The following SMG6 variants were observed in gnomAD, a reference collection of about 807,000 sequenced individuals.
The protein encoded by SMG6 is SMG6 nonsense mediated mRNA decay factor.
A neutral mutation model predicts 142.2 loss-of-function variants in SMG6; 66 were observed. The ratio of observed to expected loss-of-function variants is 0.46; its 90% CI spans 0.38 to 0.57. SMG6 has a LOEUF of 0.57. Among genes scored for constraint, SMG6 ranks in the 20% least tolerant of loss-of-function variants. The probability of loss-of-function intolerance (pLI) is 0.00; values close to 1 mark genes in which losing one functional copy is unlikely to be tolerated. For synonymous variants in SMG6, 779 were observed against 702.4 expected (o/e 1.11, Z -1.72); for missense variants, 1,793 against 1,832.0 (o/e 0.98, Z 0.39).
At chr17:2,072,947 T>C (rs537369397) in intron 15 of SMG6, 1 of 152,370 alleles carries the variant, frequency 6.6e-6, no homozygotes, top group South Asian at 2.1e-4. Flanking sequence ...AATGCCAGCT[T>C]CCTTTCTTCC....
At chr17:2,170,380 A>C (rs1327530118) in intron 13 of SMG6, among the ~76,000 whole-genome samples, 1 of 152,218 alleles carries the variant, frequency 6.6e-6, no homozygotes, top group Non-Finnish European at 1.5e-5. Context: ...TCTTCTACTC[A>C]GCACCTGTCC....
chr17:2,129,647 A>G (rs1003218823), intron 13 of SMG6, among the ~76,000 whole-genome samples: 1 of 151,698 alleles, frequency 6.6e-6, no homozygotes, highest in Admixed American at 6.6e-5. Context: ...TAAAAAAATC[A>G]GCCTGGCGTG....
chr17:2,169,790 C>A (rs1362548402), intron 13 of SMG6, among the ~76,000 whole-genome samples: 1 of 152,074 alleles, frequency 6.6e-6, no homozygotes, highest in African/African-American at 2.4e-5. Flanking sequence ...GAGCAACCAT[C>A]AGAAGGTTTT....
chr17:2,218,652 T>G (rs2073088066), intron 10 of SMG6, among the ~76,000 whole-genome samples: 1 of 152,210 alleles, frequency 6.6e-6, no homozygotes, highest in Non-Finnish European at 1.5e-5. Flanking sequence ...AAGCTTGAGC[T>G]ACTCATCACC....
Position 2,071,262 on chromosome 17 carries a change from AT to A in SMG6, c.3682-2332del, listed in dbSNP as rs768639329. Among the ~76,000 whole-genome samples the A allele has an allele frequency of 2.8e-4, 41 of 145,316 alleles. No individual in the cohort carries two copies. The highest frequency in any genetic ancestry group is 2.7e-4 in the Admixed American group (4 of 14,620). ...TGACTCTATCAAGGAAGTGGCTGCC[AT>A]TTTTTTTTTTACCCTATGTGAACAG... On this transcript the variant is annotated intron_variant, in intron 15 of 18. Coordinates refer to ENST00000263073, the MANE Select transcript of SMG6 (RefSeq NM_017575.5). The surrounding 1 kb of genome is among the most constrained non-coding windows in gnomAD (Gnocchi z 5.6).
chr17:2,061,257 TC>T lies in SMG6; in HGVS notation c.*234del, dbSNP rs1236765218. 1 of 461,324 alleles carries T rather than the reference TC, an allele frequency of 2.2e-6. No homozygotes were observed. Among genetic ancestry groups the T allele is most frequent in the African/African-American group, 2.0e-5 (1 of 50,298 alleles). 28.6% of individuals were successfully genotyped at this position (461,324 alleles called of 1,614,324 possible). ...GCTGCTGTTGCTGTAGCCAGCCACC[TC>T]CCTGCTAAATCCTGGCAGCCCAGGA... is the stretch of plus-strand genomic sequence containing the variant. On this transcript the variant is annotated 3_prime_UTR_variant, in exon 19 of 19. Coordinates refer to ENST00000263073, the MANE Select transcript of SMG6 (RefSeq NM_017575.5).
At chr17:2,211,440 G>A (rs1427924423) in intron 10 of SMG6, among the ~76,000 whole-genome samples, 6 of 152,068 alleles carry the variant, frequency 3.9e-5, no homozygotes, top group South Asian at 2.1e-4. Context: ...CAAGGCAGGC[G>A]GATCATGAGG....
At chr17:2,109,677 G>A (rs1312168098) in intron 13 of SMG6, among the ~76,000 whole-genome samples, 2 of 152,110 alleles carry the variant, frequency 1.3e-5, no homozygotes, top group African/African-American at 4.8e-5. Flanking sequence ...ATATAGACAC[G>A]CAAACCATTA....
chr17:2,258,054 C>CGT (rs2074231197), intron 8 of SMG6, among the ~76,000 whole-genome samples: 1 of 98,044 alleles, frequency 1.0e-5, no homozygotes, highest in African/African-American at 3.4e-5. Flanking sequence ...CACACACACA[C>CGT]ACACACACAC....
At position 2,065,591 on chromosome 17, in the gene SMG6, G is replaced by A. The variant is rs936378378; in HGVS notation, c.3924C>T (p.Arg1308=). The A allele has an allele frequency of 3.7e-6, 6 of 1,614,004 alleles. No homozygotes were observed. In the African/African-American group the frequency reaches 8.0e-5, roughly 22 times the overall value. The change falls in exon 17 of 19, where the codon CGC becomes CGT. Residue 1308 remains arginine, a synonymous_variant. Coordinates refer to ENST00000263073, the MANE Select transcript of SMG6 (RefSeq NM_017575.5). ...GCTGCTCGAGGAACTCGATGGACTT[G>A]CGGGCCTTCTCTTGTACCACACGGG... is the stretch of plus-strand genomic sequence containing the variant. ...GYARVVQEKA[R]KSIEFLEQRF... is the part of the protein sequence containing the mutation.
chr17:2,213,683 T>G (rs2072929845), intron 10 of SMG6: 1 of 152,216 alleles, frequency 6.6e-6, no homozygotes. Context: ...TTTCCTTTTT[T>G]CCAATGCCAG....
chr17:2,231,708 A>T (rs12452089), intron 10 of SMG6, among the ~76,000 whole-genome samples: 44,379 of 93,934 alleles, frequency 0.47, 6,217 homozygotes, highest in Admixed American at 0.52. Context: ...CCCTCCCCCC[A>T]CCCAAAAAAA....
intron 13 of SMG6, among the ~76,000 whole-genome samples, chr17:2,158,268 C>G (rs1391124707): frequency 6.6e-6 from 1 of 152,082 alleles, no homozygotes; most frequent in Non-Finnish European, 1.5e-5. Flanking sequence ...CATATGCAAA[C>G]CACGTTTTCC....
intron 12 of SMG6, among the ~76,000 whole-genome samples, chr17:2,185,728 G>A (rs899898609): frequency 6.6e-6 from 1 of 151,162 alleles, no homozygotes; most frequent in Admixed American, 6.6e-5. Flanking sequence ...GTGAGAAGAC[G>A]GAAACGAGGG....
At chr17:2,292,844 G>C in intron 5 of SMG6, 27 bp downstream of exon 5, 3 of 1,591,740 alleles carry the variant, frequency 1.9e-6, no homozygotes, top group Non-Finnish European at 2.6e-6. Flanking sequence ...ATAGGGAAGA[G>C]AAATAACGAA....
Position 2,184,433 on chromosome 17 carries a change from A to G in SMG6, c.3155+2230T>C, listed in dbSNP as rs181333638. ...AGCACTTTGGGAGGCTGAGGTGGGT[A>G]GATCACCTGAGGTCAGGAGTTTGAG... On this transcript the variant is annotated intron_variant, in intron 12 of 18. Transcript: ENST00000263073. Among the ~76,000 whole-genome samples the G allele has an allele frequency of 3.7e-3, 554 of 149,122 alleles. 2 individuals carry two copies. Among genetic ancestry groups the G allele is most frequent in the Admixed American group, 8.8e-3 (132 of 15,082 alleles).
chr17:2,258,823 C>T (rs1407555978), intron 8 of SMG6, among the ~76,000 whole-genome samples: 5 of 149,924 alleles, frequency 3.3e-5, no homozygotes, highest in African/African-American at 1.2e-4. Flanking sequence ...GGAACTGGCG[C>T]GATGGCTCAC....
rs368831933 is a variant in SMG6, at chr17:2,182,379, TA to T, written c.3155+4283del. Among the ~76,000 whole-genome samples the T allele has an allele frequency of 2.0e-4, 31 of 152,144 alleles. No homozygotes were observed. The South Asian group carries it at 6.2e-3, about 31-fold the overall frequency. On this transcript the variant is annotated intron_variant, in intron 12 of 18. Transcript: ENST00000263073. The stretch of plus-strand genomic sequence containing the variant: ...CAGCCTGGAGTGCATTTTGGAAACC[TA>T]GGAGGGCCCACAGATAGGATGCAGA...
rs1306206069 is a variant in SMG6, at chr17:2,266,067, C to T, written c.2661+16580G>A. 5 of 985,234 alleles carry T rather than the reference C, an allele frequency of 5.1e-6. No homozygotes were observed. The African/African-American group carries it at 8.7e-5, about 17-fold the overall frequency. The allele number at this position is 985,234 out of a possible 1,614,324, so 61.0% of individuals were successfully genotyped here. On this transcript the variant is annotated intron_variant, in intron 8 of 18. Coordinates refer to ENST00000263073, the MANE Select transcript of SMG6 (RefSeq NM_017575.5). ...AGGAAGAGCACAGAAATGCCTTTCC[C>T]CCCTCTTCAGGATCTAGTACTTTCT...
Sources: allele counts gnomAD v4.1 joint callset (sites outside exome capture counted in the v4.1 genomes callset), GRCh38; gene constraint gnomAD v4.1.1; non-coding constraint Gnocchi (gnomAD v3.1); transcripts MANE v1.5; gene names NCBI Gene and HGNC (gene_info 2026-07-23, HGNC 2026-07-21).